Variants in RANBP2 observed in about 807,000 individuals in gnomAD.
RANBP2 encodes RAN binding protein 2.
In RANBP2, 57 loss-of-function variants were observed where a neutral mutation model predicts 303.6. The ratio of observed to expected loss-of-function variants is 0.19; its 90% CI spans 0.15 to 0.23. The LOEUF (loss-of-function observed/expected upper bound fraction) is 0.23, where lower values mean the gene tolerates loss of function less well. Ranked by LOEUF, RANBP2 falls within the 10% of genes least tolerant of loss-of-function variation. The probability of loss-of-function intolerance (pLI) is 1.00; values close to 1 mark genes in which losing one functional copy is unlikely to be tolerated. For missense variants in RANBP2, 3,138 were observed against 3,780.8 expected (o/e 0.83, Z 4.46); for synonymous variants, 1,167 against 1,301.5 (o/e 0.90, Z 2.23).
the RANBP2 span, among the ~76,000 whole-genome samples, chr2:109,395,195 G>A: frequency 6.6e-6 from 1 of 152,268 alleles, no homozygotes; most frequent in African/African-American, 2.4e-5. Flanking sequence ...GTGTGAGTAT[G>A]GCAAGCCTGG....
the RANBP2 span, among the ~76,000 whole-genome samples, chr2:109,100,409 A>G: frequency 6.6e-6 from 1 of 152,246 alleles, no homozygotes; most frequent in Non-Finnish European, 1.5e-5. Context: ...GAGGTGGAAC[A>G]GTTTCATCCT....
the RANBP2 span, among the ~76,000 whole-genome samples, chr2:109,622,761 A>G: frequency 2.0e-5 from 3 of 152,226 alleles, no homozygotes; most frequent in Admixed American, 6.5e-5. Context: ...AGCGTAGAAG[A>G]AAACCAGCAA....
chr2:108,872,647 G>A, the RANBP2 span, among the ~76,000 whole-genome samples: 1 of 152,092 alleles, frequency 6.6e-6, no homozygotes, highest in Non-Finnish European at 1.5e-5. Context: ...ATCATCACCT[G>A]GCAGAGGACA....
chr2:108,857,053 T>C, the RANBP2 span: 2 of 261,348 alleles, frequency 7.7e-6, no homozygotes, highest in East Asian at 1.2e-4. Context: ...ACTCCACATA[T>C]CAGATACTAT....
the RANBP2 span, among the ~76,000 whole-genome samples, chr2:109,603,475 G>A: frequency 7.8e-4 from 119 of 152,098 alleles, no homozygotes; most frequent in Non-Finnish European, 1.5e-3. Flanking sequence ...TCCTGACCTC[G>A]TGATCCGCCT....
chr2:109,078,705 G>A, the RANBP2 span, among the ~76,000 whole-genome samples: 8 of 149,934 alleles, frequency 5.3e-5, 1 homozygote, highest in East Asian at 1.9e-4. Context: ...CATGTGGGCC[G>A]GGCGCGTTGG....
At chr2:109,145,616 A>G in the RANBP2 span, among the ~76,000 whole-genome samples, 5 of 152,298 alleles carry the variant, frequency 3.3e-5, no homozygotes, top group African/African-American at 9.6e-5. Context: ...TGGCACTGCT[A>G]TCGCCATGCG....
At chr2:109,131,928 T>C in the RANBP2 span, among the ~76,000 whole-genome samples, 1 of 152,220 alleles carries the variant, frequency 6.6e-6, no homozygotes, top group African/African-American at 2.4e-5. Flanking sequence ...ACTAGCACTA[T>C]ACTACCATGC....
chr2:109,414,951 T>C, the RANBP2 span, among the ~76,000 whole-genome samples: 63 of 152,276 alleles, frequency 4.1e-4, no homozygotes, highest in Middle Eastern at 3.4e-3. Flanking sequence ...GAAAAGACCC[T>C]GAGATGGAGA....
the RANBP2 span, chr2:108,910,738 A>T: frequency 6.2e-7 from 1 of 1,607,330 alleles, no homozygotes; most frequent in Non-Finnish European, 8.5e-7. Context: ...AGAGATGGGC[A>T]CCGTGCACAT....
the RANBP2 span, among the ~76,000 whole-genome samples, chr2:108,860,934 A>AGTTTTTTTTT: frequency 1.8e-4 from 2 of 11,416 alleles, no homozygotes; most frequent in Non-Finnish European, 2.7e-4. Context: ...CTGGTCCAGG[A>AGTTTTTTTTT]CTTTTTTTTT....
the RANBP2 span, among the ~76,000 whole-genome samples, chr2:109,466,154 A>C: frequency 7.7e-6 from 1 of 130,276 alleles, no homozygotes; most frequent in Admixed American, 1.0e-4. Context: ...ATCTCGGCTC[A>C]CTGCTGCAAC....
chr2:108,884,226 C>T, the RANBP2 span: 1 of 152,294 alleles, frequency 6.6e-6, no homozygotes, highest in African/African-American at 2.4e-5. Context: ...TTTAGTAAGT[C>T]ACTTCAGTTA....
the RANBP2 span, chr2:109,614,293 G>T: frequency 1.6e-6 from 1 of 614,652 alleles, no homozygotes; most frequent in East Asian, 4.2e-5. Context: ...GCGTGGGCGC[G>T]GGGCGGGGGT....
At chr2:108,942,485 G>A in the RANBP2 span, among the ~76,000 whole-genome samples, 1 of 152,360 alleles carries the variant, frequency 6.6e-6, no homozygotes, top group East Asian at 1.9e-4. Context: ...CAGTTGGCAA[G>A]TTCCCGGGGA....
the RANBP2 span, chr2:109,553,178 C>T: frequency 6.2e-7 from 1 of 1,614,018 alleles, no homozygotes; most frequent in Admixed American, 1.7e-5. Context: ...CTGACGTTCA[C>T]CATGGAACTC....
the RANBP2 span, among the ~76,000 whole-genome samples, chr2:109,267,438 G>A: frequency 6.6e-6 from 1 of 152,314 alleles, no homozygotes; most frequent in Admixed American, 6.5e-5. Flanking sequence ...GCAGCACTGA[G>A]GAAGCCTGGC....
the RANBP2 span, among the ~76,000 whole-genome samples, chr2:109,041,546 G>A: frequency 4.3e-5 from 6 of 140,718 alleles, no homozygotes; most frequent in Middle Eastern, 3.9e-3. Flanking sequence ...TTTTTGAGAC[G>A]GAGTCTCACT....
chr2:109,336,501 G>A, the RANBP2 span, among the ~76,000 whole-genome samples: 19 of 152,270 alleles, frequency 1.2e-4, no homozygotes, highest in South Asian at 3.7e-3. Flanking sequence ...ACGTGCTGAG[G>A]ACTCGCTGTG....
Sources: gnomAD v4.1 joint callset for allele counts (sites outside exome capture counted in the v4.1 genomes callset) on GRCh38, gnomAD v4.1.1 for gene constraint, MANE v1.5 for transcripts, NCBI Gene and HGNC (gene_info 2026-07-23, HGNC 2026-07-21) for gene names.